PGR: variants seen among roughly 807,000 people sequenced by gnomAD.
PGR encodes progesterone receptor, also known as nuclear receptor subfamily 3 group C member 3.
In PGR, 25 loss-of-function variants were observed where a neutral mutation model predicts 76.1. The ratio of observed to expected loss-of-function variants is 0.33; its 90% CI spans 0.24 to 0.46. The LOEUF (loss-of-function observed/expected upper bound fraction) is 0.46. Ranked by LOEUF, PGR falls within the 20% of genes least tolerant of loss-of-function variation. PGR has a pLI of 1.00. For synonymous variants in PGR, 579 were observed against 535.0 expected (o/e 1.08, Z -1.14); for missense variants, 1,172 against 1,225.3 (o/e 0.96, Z 0.65).
At chr11:101,094,984 T>C (rs1332669719) in intron 2 of PGR, among the ~76,000 whole-genome samples, 1 of 152,178 alleles carries the variant, frequency 6.6e-6, no homozygotes, top group Non-Finnish European at 1.5e-5. Context: ...AGCAAGCTTT[T>C]ACCAGACATG....
rs1862974927 is a variant in PGR, at chr11:101,128,567, G to A, written c.504C>T (p.Ser168=). Residue 168 remains serine, a synonymous_variant, in exon 1 of 8, where the codon TCC becomes TCT. Coordinates refer to ENST00000325455, the MANE Select transcript of PGR (RefSeq NM_000926.4). The part of the protein sequence containing the change: ...QRVLSPLMSR[S]GCKVGDSSGT... ...CGGAGCTGTCTCCAACCTTGCACCC[G>A]GACCGGCTCATGAGCGGGGACAACA... is the stretch of plus-strand genomic sequence containing the variant. The A allele has an allele frequency of 6.3e-7, 1 of 1,598,210 alleles. No individual in the cohort carries two copies. The highest frequency in any genetic ancestry group is 1.1e-5 in the South Asian group (1 of 89,408).
In PGR at chr11:101,034,254, G is replaced by A; in HGVS notation, c.*4862C>T. 2 of 217,762 alleles carry A rather than the reference G, an allele frequency of 9.2e-6. No homozygotes were observed. The highest frequency in any genetic ancestry group is 6.8e-5 in the East Asian group (1 of 14,730). The allele number at this position is 217,762 out of a possible 1,614,324, so 13.5% of individuals were successfully genotyped here. On this transcript the variant is annotated 3_prime_UTR_variant, in exon 8 of 8. Coordinates refer to ENST00000325455, the MANE Select transcript of PGR (RefSeq NM_000926.4). ...CAACAAGAGCCAGTAAATCGAAAAT[G>A]AGGCTGACATTCTGGGACTAGGCCA...
intron 2 of PGR, among the ~76,000 whole-genome samples, chr11:101,108,998 T>A (rs905341581): frequency 6.6e-6 from 1 of 152,184 alleles, no homozygotes; most frequent in Non-Finnish European, 1.5e-5. Context: ...GCTATGGTGA[T>A]CTATGATCAG....
At chr11:101,050,742 C>T (rs1025507243) in intron 5 of PGR, among the ~76,000 whole-genome samples, 9 of 152,056 alleles carry the variant, frequency 5.9e-5, no homozygotes, top group Admixed American at 5.9e-4. Context: ...CACTGTCATT[C>T]AAATTATTTG....
chr11:101,053,857 T>C (rs961079009), intron 4 of PGR, among the ~76,000 whole-genome samples: 12 of 152,136 alleles, frequency 7.9e-5, no homozygotes, highest in African/African-American at 2.9e-4. Context: ...GAGTTCCCCA[T>C]TGGTTGTAGT....
intron 4 of PGR, among the ~76,000 whole-genome samples, chr11:101,055,402 G>T (rs576649414): frequency 9.8e-6 from 1 of 101,938 alleles, no homozygotes; most frequent in Non-Finnish European, 1.7e-5. Context: ...GTGACACAGC[G>T]AGACTCCATC....
rs139135773 is a variant in PGR, at chr11:101,062,582, T to C, written c.2077A>G (p.Ser693Gly). 2.5e-6 allele frequency: 4 copies of C among 1,613,966 alleles called. No homozygotes were observed. The highest frequency in any genetic ancestry group is 1.7e-5 in the Admixed American group (1 of 59,996). ...LIPPLINLLM[S>G]IEPDVIYAGH... is the part of the protein sequence containing the mutation. ...GCATAGATCACATCTGGTTCAATGC[T>C]CATTAACAGGTTGATCAGTGGTGGA... Residue 693 changes from serine (S) to glycine (G), a missense_variant, in exon 4 of 8, where the codon AGC becomes GGC. Coordinates refer to ENST00000325455, the MANE Select transcript of PGR (RefSeq NM_000926.4).
In PGR at chr11:101,031,365, A is replaced by G. The variant is rs2135364779; in HGVS notation, c.*7751T>C. 4.5e-6 allele frequency: 1 copy of G among 223,446 alleles called. No homozygotes were observed. The highest frequency in any genetic ancestry group is 5.7e-5 in the Admixed American group (1 of 17,462). 13.8% of individuals were successfully genotyped at this position (223,446 alleles called of 1,614,324 possible). ...CTTCCCACAGCTACCATGTACATAC[A>G]GTAAGCTTCTGCCTTCCCAGCTGCT... is the stretch of plus-strand genomic sequence containing the variant. On this transcript the variant is annotated 3_prime_UTR_variant, in exon 8 of 8. Coordinates refer to ENST00000325455, the MANE Select transcript of PGR (RefSeq NM_000926.4).
chr11:101,079,318 T>C (rs1380014848), intron 3 of PGR, among the ~76,000 whole-genome samples: 1 of 151,684 alleles, frequency 6.6e-6, no homozygotes, highest in Non-Finnish European at 1.5e-5. Flanking sequence ...GCAAAGGAAA[T>C]AGTTAACAAT....
At chr11:101,120,274 A>G (rs1196112614) in intron 2 of PGR, among the ~76,000 whole-genome samples, 1 of 152,202 alleles carries the variant, frequency 6.6e-6, no homozygotes, top group Non-Finnish European at 1.5e-5. Context: ...TTTCATCTTC[A>G]GTCCCAGCAC....
At chr11:101,074,415 A>G (rs1425738350) in intron 3 of PGR, among the ~76,000 whole-genome samples, 1 of 152,202 alleles carries the variant, frequency 6.6e-6, no homozygotes, top group Non-Finnish European at 1.5e-5. Context: ...GAAAACCAGC[A>G]CAAGACAGGG....
chr11:101,080,464 GAAAGAAAAAAA>G lies in PGR; in HGVS notation c.1906+11285_1906+11295del, dbSNP rs2135438568. On this transcript the variant is annotated intron_variant, in intron 3 of 7. Transcript: ENST00000325455. ...ATAATAATAATAATACCATTATAGG[GAAAGAAAAAAA>G]AAAGAAAAACTACTACCCACATGAA... 1.3e-5 allele frequency among the ~76,000 whole-genome samples: 2 copies of G among 149,602 alleles called. 1 individual carries two copies. The highest frequency in any genetic ancestry group is 4.9e-5 in the African/African-American group (2 of 40,984).
chr11:101,078,081 A>C (rs904674102), intron 3 of PGR, among the ~76,000 whole-genome samples: 1 of 152,182 alleles, frequency 6.6e-6, no homozygotes, highest in Non-Finnish European at 1.5e-5. Context: ...TTGGCTGTCA[A>C]GTGTAGGAGG....
chr11:101,058,809 T>C (rs549832461), intron 4 of PGR, among the ~76,000 whole-genome samples: 1 of 152,326 alleles, frequency 6.6e-6, no homozygotes, highest in Non-Finnish European at 1.5e-5. Flanking sequence ...GATCAGCCTA[T>C]AACTTACACC....
At chr11:101,081,339 G>A (rs1372781291) in intron 3 of PGR, among the ~76,000 whole-genome samples, 1 of 151,926 alleles carries the variant, frequency 6.6e-6, no homozygotes, top group Admixed American at 6.6e-5. Context: ...TGAGGCAGGA[G>A]AATCCATGGA....
chr11:101,103,491 G>C (rs1402069407), intron 2 of PGR, among the ~76,000 whole-genome samples: 1 of 152,044 alleles, frequency 6.6e-6, no homozygotes, highest in East Asian at 1.9e-4. Flanking sequence ...CTGAACTACA[G>C]GACACTACAG....
At chr11:101,125,008 C>A (rs747148464) in intron 2 of PGR, among the ~76,000 whole-genome samples, 7 of 151,926 alleles carry the variant, frequency 4.6e-5, no homozygotes, top group Non-Finnish European at 7.4e-5. Flanking sequence ...AAGGAGAGGG[C>A]TGTTGAAACA....
At chr11:101,067,069 G>A (rs1027682136) in intron 3 of PGR, among the ~76,000 whole-genome samples, 1 of 152,016 alleles carries the variant, frequency 6.6e-6, no homozygotes, top group Non-Finnish European at 1.5e-5. Context: ...TTGCATAGAT[G>A]GTCTCTCTTC....
rs1859443266 is a variant in PGR at position 101,034,358 on chromosome 11, A to T, written c.*4758T>A. Reference sequence around the variant, plus strand: ...CTTGGGCGCAGCCCCTGTGCCTGTGACCTGAGCTCTGCCTTGGAATGAGGT... The same window carrying T: ...CTTGGGCGCAGCCCCTGTGCCTGTGTCCTGAGCTCTGCCTTGGAATGAGGT... On this transcript the variant is annotated 3_prime_UTR_variant, in exon 8 of 8. Transcript: ENST00000325455. The T allele has an allele frequency of 9.4e-6, 2 of 212,548 alleles. No homozygotes were observed. The allele number at this position is 212,548 out of a possible 1,614,324, so 13.2% of individuals were successfully genotyped here. A position where few individuals can be genotyped will look rare whatever the true frequency, so the allele number is the denominator to read the frequency against.
Sources: allele counts gnomAD v4.1 joint callset (sites outside exome capture counted in the v4.1 genomes callset), GRCh38; gene constraint gnomAD v4.1.1; transcripts MANE v1.5; gene names NCBI Gene and HGNC (gene_info 2026-07-23, HGNC 2026-07-21).